The following SERPINA11 variants were observed in gnomAD, a reference collection of about 807,000 sequenced individuals.
SERPINA11 encodes the protein serpin A11.
SERPINA11 carries 28 observed loss-of-function variants against 29.4 expected under a neutral mutation model. The ratio of observed to expected loss-of-function variants is 0.95; its 90% CI spans 0.70 to 1.30. The LOEUF (loss-of-function observed/expected upper bound fraction) is 1.30. SERPINA11 is among the 50% of genes most tolerant of loss of function. The pLI is 0.00. For synonymous variants in SERPINA11, 253 were observed against 206.6 expected, an observed-to-expected ratio of 1.22 and a Z score of -1.92; for missense variants, 530 against 507.3, an observed-to-expected ratio of 1.04 and a Z score of -0.43.
chr14:94,449,406 A>ATTCTTTCTTTCTTTCTTTCT (rs869124586), intron 1 of SERPINA11, among the ~76,000 whole-genome samples: 1 of 40,696 alleles, frequency 2.5e-5, no homozygotes, highest in African/African-American at 1.1e-4. Flanking sequence ...CTTTCTTTCT[A>ATTCTTTCTTTCTTTCTTTCT]TTCTTTCTTT....
At position 94,448,571 on chromosome 14, in the gene SERPINA11, G is replaced by A. The variant is rs376318707; in HGVS notation, c.204C>T (p.Asp68=). The change falls in exon 2 of 5, where the codon GAC becomes GAT. Residue 68 remains aspartate, a synonymous_variant. Transcript: ENST00000334708. ...ALRLYKELAA[D]APGNIFFSPV... ...GCGAGAAGAAGATGTTTCCGGGGGCGTCTGCTGCCAGCTCTTTATACAAAC... is the reference window on the plus strand; with the variant it reads ...GCGAGAAGAAGATGTTTCCGGGGGCATCTGCTGCCAGCTCTTTATACAAAC... 1.4e-5 allele frequency: 22 copies of A among 1,614,178 alleles called. No homozygotes were observed. Among genetic ancestry groups the A allele is most frequent in the Middle Eastern group, 1.7e-4 (1 of 6,060 alleles).
chr14:94,443,294 G>T, intron 3 of SERPINA11, 69 bp from the exon 4 acceptor site: 1 of 1,465,242 alleles, frequency 6.8e-7, no homozygotes, highest in Non-Finnish European at 9.3e-7. Flanking sequence ...TCTGTCTGTC[G>T]GCAGCCTGAG....
intron 3 of SERPINA11, 79 bp downstream of exon 3, chr14:94,446,252 C>T (rs553573707): frequency 7.6e-7 from 1 of 1,311,822 alleles, no homozygotes; most frequent in South Asian, 1.4e-5. Flanking sequence ...GGATGTTGGG[C>T]TTTTGCAGCT....
chr14:94,446,351 C>T lies in SERPINA11; in HGVS notation c.897G>A (p.Trp299Ter), dbSNP rs762134550. The T allele has an allele frequency of 3.7e-6, 6 of 1,613,398 alleles. No homozygotes were observed. In the South Asian group the frequency reaches 6.6e-5, roughly 18 times the overall value. ...CTTACCTGGGCAGGAGCAATTGGCC[C>T]CATTTTCTCAGGGTCTGTGGCTGCA... The part of the protein sequence containing the change: ...AALQPQTLRK[W>*]GQLLLPSLLD... Residue 299 changes from tryptophan to a stop codon, truncating the protein, a stop_gained, in exon 3 of 5, where the codon TGG (tryptophan) becomes TGA (stop). Coordinates refer to ENST00000334708, the MANE Select transcript of SERPINA11 (RefSeq NM_001080451.2). LOFTEE classifies it high-confidence loss of function.
chr14:94,448,893 C>T, intron 1 of SERPINA11, 116 bp from the exon 2 acceptor site: 1 of 933,388 alleles, frequency 1.1e-6, no homozygotes, highest in Non-Finnish European at 1.5e-6. Flanking sequence ...CCATGAGGGG[C>T]ACTGAAGAAG....
chr14:94,447,997 C>T (rs978500795), intron 2 of SERPINA11, 135 bp downstream of exon 2: 192 of 847,282 alleles, frequency 2.3e-4, no homozygotes, highest in Non-Finnish European at 3.2e-4. Context: ...ACTGTGGCTA[C>T]GCAAGGGTGG....
intron 1 of SERPINA11, among the ~76,000 whole-genome samples, chr14:94,452,100 C>T (rs994908590): frequency 6.6e-6 from 1 of 152,140 alleles, no homozygotes; most frequent in Non-Finnish European, 1.5e-5. Flanking sequence ...AGTTGGGGAA[C>T]AGCTGGGCTC....
intron 1 of SERPINA11, among the ~76,000 whole-genome samples, chr14:94,451,459 C>T (rs1022133259): frequency 1.3e-5 from 2 of 152,184 alleles, no homozygotes; most frequent in African/African-American, 4.8e-5. Context: ...TTGGAAGATG[C>T]AAATCAATTT....
intron 3 of SERPINA11, among the ~76,000 whole-genome samples, chr14:94,446,066 T>C (rs749641800): frequency 1.3e-5 from 2 of 152,234 alleles, no homozygotes; most frequent in Admixed American, 6.5e-5. Flanking sequence ...CTTCTTATGC[T>C]CCACGTACCA....
intron 1 of SERPINA11, among the ~76,000 whole-genome samples, chr14:94,450,070 C>G (rs1006496872): frequency 6.6e-6 from 1 of 151,996 alleles, no homozygotes; most frequent in African/African-American, 2.4e-5. Context: ...CTGATGGAGC[C>G]TAGAGGAGCG....
chr14:94,451,807 C>T (rs1324267617), intron 1 of SERPINA11, among the ~76,000 whole-genome samples: 6 of 152,138 alleles, frequency 3.9e-5, no homozygotes, highest in Non-Finnish European at 5.9e-5. Context: ...CCAGGCATGC[C>T]GAAAGTACTC....
At chr14:94,450,946 C>T (rs2139781323) in intron 1 of SERPINA11, among the ~76,000 whole-genome samples, 1 of 152,272 alleles carries the variant, frequency 6.6e-6, no homozygotes, top group African/African-American at 2.4e-5. Context: ...CTGGGACCCT[C>T]CCAAATCTTG....
Position 94,446,316 on chromosome 14 carries a change from T to A in SERPINA11, c.917+15A>T, listed in dbSNP as rs1253716534. On this transcript the variant is annotated intron_variant, in intron 3 of 4. Transcript: ENST00000334708. ...TGAGCAAGGTCAGCCAGCATCCTTCTGCTGTGACACTTACCTGGGCAGGAG... is the reference window on the plus strand; with the variant it reads ...TGAGCAAGGTCAGCCAGCATCCTTCAGCTGTGACACTTACCTGGGCAGGAG... 6.2e-7 allele frequency: 1 copy of A among 1,607,542 alleles called. No homozygotes were observed. Among genetic ancestry groups the A allele is most frequent in the Admixed American group, 1.7e-5 (1 of 59,232 alleles).
Position 94,443,134 on chromosome 14 carries a change from T to A in SERPINA11, c.1009A>T (p.Asn337Tyr), listed in dbSNP as rs779840165. 9.9e-6 allele frequency: 16 copies of A among 1,613,708 alleles called. No homozygotes were observed. The East Asian group carries it at 3.6e-4, about 36-fold the overall frequency. Residue 337 changes from asparagine (N) to tyrosine (Y), a missense_variant, in exon 4 of 5, where the codon AAC becomes TAC. Physicochemically the swap from Asn to Tyr is moderately radical, Grantham distance 143 (BLOSUM62 -2). Coordinates refer to ENST00000334708, the MANE Select transcript of SERPINA11 (RefSeq NM_001080451.2). ...ACTCCTGAGAAGTCAGCTTCTAAGTTGAGTATGTTGGTGAGACCAATTTGG... is the reference window on the plus strand; with the variant it reads ...ACTCCTGAGAAGTCAGCTTCTAAGTAGAGTATGTTGGTGAGACCAATTTGG... ...LPQIGLTNIL[N>Y]LEADFSGVTG...
intron 1 of SERPINA11, among the ~76,000 whole-genome samples, chr14:94,450,017 T>C (rs570090380): frequency 2.0e-4 from 31 of 152,178 alleles, no homozygotes; most frequent in African/African-American, 7.5e-4. Context: ...CATCTGGATG[T>C]GTGGATGAAG....
chr14:94,451,317 C>A (rs575689466), intron 1 of SERPINA11, among the ~76,000 whole-genome samples: 1 of 152,186 alleles, frequency 6.6e-6, no homozygotes, highest in Non-Finnish European at 1.5e-5. Flanking sequence ...ACTGTGGGCA[C>A]GCCCCCAAGG....
chr14:94,447,660 C>A (rs1223931236), intron 2 of SERPINA11, among the ~76,000 whole-genome samples: 1 of 152,212 alleles, frequency 6.6e-6, no homozygotes, highest in Non-Finnish European at 1.5e-5. Context: ...TGGTTTCTTC[C>A]TATTATTCTG....
rs369120687 is a variant in SERPINA11 at position 94,442,594 on chromosome 14, C to T, written c.*12G>A. ...AGGATGAGATAAGATAACTCCTGGC[C>T]TCCCACCATGGTTACCCTGCAACTG... On this transcript the variant is annotated 3_prime_UTR_variant, in exon 5 of 5. Coordinates refer to ENST00000334708, the MANE Select transcript of SERPINA11 (RefSeq NM_001080451.2). 3.8e-6 allele frequency: 6 copies of T among 1,593,204 alleles called. No individual in the cohort carries two copies. In the Admixed American group the frequency reaches 6.9e-5, roughly 18 times the overall value.
chr14:94,443,915 T>C (rs66471177), intron 3 of SERPINA11, among the ~76,000 whole-genome samples: 21,717 of 152,228 alleles, frequency 0.14, 1,994 homozygotes, highest in East Asian at 0.26. Context: ...CTGCCCTTTC[T>C]CTCTGGGGTT....
Sources: gnomAD v4.1 joint callset for allele counts (sites outside exome capture counted in the v4.1 genomes callset) on GRCh38, gnomAD v4.1.1 for gene constraint, MANE v1.5 for transcripts, NCBI Gene and HGNC (gene_info 2026-07-23, HGNC 2026-07-21) for gene names.